FYB2: variants seen among roughly 807,000 people sequenced by gnomAD.
The protein encoded by FYB2 is FYN binding protein 2.
FYB2 carries 103 observed loss-of-function variants against 94.1 expected under a neutral mutation model. The ratio of observed to expected loss-of-function variants is 1.09; its 90% CI spans 0.93 to 1.29. The LOEUF is 1.29. FYB2 is among the 50% of genes most tolerant of loss of function. The probability of loss-of-function intolerance (pLI) is 0.00; values close to 1 mark genes in which losing one functional copy is unlikely to be tolerated. For missense variants in FYB2, 896 were observed against 841.5 expected, an observed-to-expected ratio of 1.06 and a Z score of -0.80; for synonymous variants, 293 against 287.9, an observed-to-expected ratio of 1.02 and a Z score of -0.18.
At chr1:56,769,690 T>A (rs1645709479) in intron 4 of FYB2, among the ~76,000 whole-genome samples, 2 of 151,800 alleles carry the variant, frequency 1.3e-5, no homozygotes, top group Non-Finnish European at 2.9e-5. Flanking sequence ...ACTAAAAAAA[T>A]AGAAATAGAA....
At position 56,792,677 on chromosome 1, in the gene FYB2, T is replaced by C; in HGVS notation, c.136A>G (p.Thr46Ala). 1 of 1,614,080 alleles carries C rather than the reference T, an allele frequency of 6.2e-7. No homozygotes were observed. Among genetic ancestry groups the C allele is most frequent in the African/African-American group, 1.3e-5 (1 of 75,018 alleles). ...PKGDIGGTQSTQILANGKPLS... is the reference protein window; with the variant it reads ...PKGDIGGTQSAQILANGKPLS... The stretch of plus-strand genomic sequence containing the variant: ...GGTTTCCCATTGGCCAAAATTTGAG[T>C]TGACTGTGTGCCTCCAATGTCACCC... Residue 46 changes from threonine to alanine, a missense_variant, in exon 2 of 20, where the codon ACT becomes GCT. Coordinates refer to ENST00000343433, the MANE Select transcript of FYB2 (RefSeq NM_001004303.5).
At chr1:56,719,963 A>T in intron 19 of FYB2, 59 bp downstream of exon 19, 5 of 1,470,670 alleles carry the variant, frequency 3.4e-6, no homozygotes, top group Non-Finnish European at 4.6e-6. Context: ...TCTTGAGACT[A>T]ATGTATACAA....
rs754382902 is a variant in FYB2, at chr1:56,758,739, C to T, written c.1075G>A (p.Val359Ile). Residue 359 changes from valine to isoleucine, a missense_variant, in exon 6 of 20, where the codon GTT (valine) becomes ATT (isoleucine). By Grantham distance (29) the Val-to-Ile change is conservative. Coordinates refer to ENST00000343433, the MANE Select transcript of FYB2 (RefSeq NM_001004303.5). Reference protein sequence around the residue: ...AKEIADPTYEVGIEELQKPGK... With the variant: ...AKEIADPTYEIGIEELQKPGK... ...ACCTTTTGGAGTTCTTCAATTCCAA[C>T]TTCATAAGTTGCTAAAGTAAACATA... 1.0e-5 allele frequency: 16 copies of T among 1,597,530 alleles called. No homozygotes were observed. In the South Asian group the frequency reaches 1.8e-4, roughly 18 times the overall value.
rs139739248 is a variant in FYB2 at position 56,796,144 on chromosome 1, C to T, written c.10-3341G>A. On this transcript the variant is annotated intron_variant, in intron 1 of 19. Coordinates refer to ENST00000343433, the MANE Select transcript of FYB2 (RefSeq NM_001004303.5). ...AAGTAATTTCTTCTCTCTAGCTCAG[C>T]CATACATCAAATTAATGGTTGGTTT... 2.3e-4 allele frequency among the ~76,000 whole-genome samples: 35 copies of T among 152,314 alleles called. No individual in the cohort carries two copies. The East Asian group carries it at 6.4e-3, about 28-fold the overall frequency.
At chr1:56,817,109 G>T (rs941154719) in intron 1 of FYB2, among the ~76,000 whole-genome samples, 3 of 152,142 alleles carry the variant, frequency 2.0e-5, no homozygotes, top group Admixed American at 6.5e-5. Context: ...TTGCGTCATT[G>T]CCTGGTCCAC....
chr1:56,723,594 C>T lies in FYB2; in HGVS notation c.1968G>A (p.Arg656=), dbSNP rs149990965. ...CCTTCAGAAGAGAACGTACCTTAAACCTTTCTCTAAATAGTTTTTCTTCTC... is the reference window on the plus strand; with the variant it reads ...CCTTCAGAAGAGAACGTACCTTAAATCTTTCTCTAAATAGTTTTTCTTCTC... The part of the protein sequence containing the change: ...MKREEKLFRE[R]FKYDKEIIVI... Residue 656 remains arginine (R), a synonymous_variant, in exon 17 of 20, where the codon AGG becomes AGA. Transcript: ENST00000343433. The T allele has an allele frequency of 1.2e-5, 19 of 1,532,796 alleles. No homozygotes were observed. In the African/African-American group the frequency reaches 2.1e-4, roughly 17 times the overall value. The allele number at this position is 1,532,796 out of a possible 1,614,324, so 94.9% of individuals were successfully genotyped here. A position where few individuals can be genotyped will look rare whatever the true frequency, so the allele number is the denominator to read the frequency against.
chr1:56,819,497 C>T (rs950018759), upstream of FYB2: 10 of 671,438 alleles, frequency 1.5e-5, no homozygotes, highest in Non-Finnish European at 2.3e-5. Context: ...CGCCATCCTC[C>T]CAGCTTGGCT....
At chr1:56,787,359 C>G in intron 3 of FYB2, 151 bp from the exon 4 acceptor site, 1 of 830,638 alleles carries the variant, frequency 1.2e-6, no homozygotes, top group African/African-American at 1.7e-5. Flanking sequence ...CCCCAGCACC[C>G]AGGGGATGCC....
intron 1 of FYB2, among the ~76,000 whole-genome samples, chr1:56,803,440 A>G (rs534003098): frequency 1.3e-5 from 2 of 152,284 alleles, no homozygotes; most frequent in Admixed American, 6.5e-5. Flanking sequence ...AAGCAAAACA[A>G]TTATTCAGCT....
chr1:56,753,651 C>A (rs1319056401), intron 8 of FYB2, among the ~76,000 whole-genome samples, 188 bp downstream of exon 8: 4 of 152,022 alleles, frequency 2.6e-5, no homozygotes, highest in African/African-American at 7.2e-5. Context: ...GGCTTCATGG[C>A]TAAAAAGTGG....
intron 1 of FYB2, among the ~76,000 whole-genome samples, chr1:56,798,694 A>G (rs1228924854): frequency 6.6e-6 from 1 of 152,200 alleles, no homozygotes; most frequent in Non-Finnish European, 1.5e-5. Flanking sequence ...TGATATTACC[A>G]TATACCAGGC....
At chr1:56,820,997 A>G (rs1214942687), upstream of FYB2, among the ~76,000 whole-genome samples, 2 of 152,024 alleles carry the variant, frequency 1.3e-5, no homozygotes, top group Admixed American at 6.6e-5. Flanking sequence ...TGCTGTGTAG[A>G]CTCTGCTCCC....
At chr1:56,819,023 C>T (rs945283072) in intron 1 of FYB2, among the ~76,000 whole-genome samples, 1 of 152,170 alleles carries the variant, frequency 6.6e-6, no homozygotes, top group Admixed American at 6.5e-5. Flanking sequence ...TAGAGCTAGG[C>T]CACATGCTGT....
the FYB2 span, among the ~76,000 whole-genome samples, chr1:56,825,495 CT>C: frequency 6.6e-6 from 1 of 152,176 alleles, no homozygotes; most frequent in Admixed American, 6.5e-5. Context: ...CTAATTTCCA[CT>C]ATGGTCTAGG....
chr1:56,737,264 G>A (rs1644849341), intron 14 of FYB2, 117 bp from the exon 15 acceptor site: 3 of 633,974 alleles, frequency 4.7e-6, no homozygotes, highest in Non-Finnish European at 7.9e-6. Flanking sequence ...GTCTGTTTTA[G>A]CAAAATCTGA....
At chr1:56,735,689 T>C (rs929744864) in intron 15 of FYB2, among the ~76,000 whole-genome samples, 1 of 152,182 alleles carries the variant, frequency 6.6e-6, no homozygotes, top group African/African-American at 2.4e-5. Flanking sequence ...GATGGCTTTA[T>C]AAGGGGTTCT....
At chr1:56,816,188 C>T (rs771013331) in intron 1 of FYB2, among the ~76,000 whole-genome samples, 6 of 152,176 alleles carry the variant, frequency 3.9e-5, no homozygotes, top group African/African-American at 7.2e-5. Context: ...GGAATTTGGA[C>T]GAGGCTCAGC....
rs1402156357 is a variant in FYB2 at position 56,792,043 on chromosome 1, T to C, written c.757+13A>G. The C allele has an allele frequency of 6.4e-7, 1 of 1,555,996 alleles. No individual in the cohort carries two copies. The highest frequency in any genetic ancestry group is 1.4e-5 in the African/African-American group (1 of 72,334). On this transcript the variant is annotated intron_variant, in intron 2 of 19. Transcript: ENST00000343433. Reference sequence around the variant, plus strand: ...CTCCCTAGCCCCTGTCCCATGGGGATCACGTTTGTTACCTGGGGCCTGACT... The same window carrying C: ...CTCCCTAGCCCCTGTCCCATGGGGACCACGTTTGTTACCTGGGGCCTGACT...
At chr1:56,797,307 A>G (rs1358970728) in intron 1 of FYB2, among the ~76,000 whole-genome samples, 1 of 152,190 alleles carries the variant, frequency 6.6e-6, no homozygotes, top group Non-Finnish European at 1.5e-5. Context: ...CTTAATCTTC[A>G]CAGTGGGTGA....
Sources: gnomAD v4.1 joint callset for allele counts (sites outside exome capture counted in the v4.1 genomes callset) on GRCh38, gnomAD v4.1.1 for gene constraint, MANE v1.5 for transcripts, NCBI Gene and HGNC (gene_info 2026-07-23, HGNC 2026-07-21) for gene names.